Variants in SLC2A3 observed in about 807,000 individuals in gnomAD.
The protein encoded by SLC2A3 is solute carrier family 2, facilitated glucose transporter member 3.
SLC2A3 carries 21 observed loss-of-function variants against 46.4 expected under a neutral mutation model. The ratio of observed to expected loss-of-function variants is 0.45; its 90% confidence interval spans 0.32 to 0.65. SLC2A3 has a LOEUF of 0.65. SLC2A3 is among the 30% of genes least tolerant of loss of function. The pLI, the probability that SLC2A3 is intolerant of heterozygous loss-of-function variation, is 0.04. For missense variants in SLC2A3, 499 were observed against 623.3 expected (o/e 0.80, Z 2.12); for synonymous variants, 213 against 239.4 (o/e 0.89, Z 1.02).
chr12:7,919,722 C>A lies in SLC2A3; in HGVS notation c.*1691G>T. ...CACCGCATCCGGCCTCAGCTACGTGCATTTTTATTCAAAGGCTCCAGGAGC... is the reference window on the plus strand; with the variant it reads ...CACCGCATCCGGCCTCAGCTACGTGAATTTTTATTCAAAGGCTCCAGGAGC... On this transcript the variant is annotated 3_prime_UTR_variant, in exon 10 of 10. Transcript: ENST00000075120. The A allele has an allele frequency of 6.6e-6, 1 of 152,318 alleles. No individual in the cohort carries two copies. Among genetic ancestry groups the A allele is most frequent in the Non-Finnish European group, 1.5e-5 (1 of 68,102 alleles). The allele number at this position is 152,318 out of a possible 1,614,324, so 9.4% of individuals were successfully genotyped here.
Position 7,936,043 on chromosome 12 carries a change from T to C in SLC2A3, c.-9A>G. 3 of 1,606,688 alleles carry C rather than the reference T, an allele frequency of 1.9e-6. No individual in the cohort carries two copies. The highest frequency in any genetic ancestry group is 2.6e-6 in the Non-Finnish European group (3 of 1,173,268). On this transcript the variant is annotated 5_prime_UTR_variant, in exon 1 of 10. Transcript: ENST00000075120. ...ACCTTCTGTGTCCCCATCGCTGTAA[T>C]CTAATTCAAGTCTTCAAGAAAGATC...
Position 7,921,485 on chromosome 12 carries a change from A to G in SLC2A3, c.1419T>C (p.Asp473=). Residue 473 remains aspartate (D), a synonymous_variant, in exon 10 of 10, where the codon GAT becomes GAC. Transcript: ENST00000075120. The part of the protein sequence containing the change: ...RAFEGQAHGA[D]RSGKDGVMEM... ...CCATGACGCCGTCCTTTCCAGATCT[A>G]TCTGCACCGTGTGCCTGCCCTTCAA... 1 of 1,613,908 alleles carries G rather than the reference A, an allele frequency of 6.2e-7. No individual in the cohort carries two copies. Among genetic ancestry groups the G allele is most frequent in the Non-Finnish European group, 8.5e-7 (1 of 1,179,858 alleles).
At chr12:7,926,151 G>A (rs1463139509) in intron 6 of SLC2A3, among the ~76,000 whole-genome samples, 2 of 152,092 alleles carry the variant, frequency 1.3e-5, no homozygotes, top group Non-Finnish European at 2.9e-5. Flanking sequence ...GAGTGCAGTG[G>A]CACAATCTCA....
chr12:7,928,529 G>A (rs1946118412), intron 6 of SLC2A3, among the ~76,000 whole-genome samples: 1 of 152,096 alleles, frequency 6.6e-6, no homozygotes, highest in Non-Finnish European at 1.5e-5. Flanking sequence ...GGACTGTGGT[G>A]AGGCAGCTAG....
intron 4 of SLC2A3, 85 bp from the exon 5 acceptor site, chr12:7,930,727 T>C: frequency 1.5e-6 from 2 of 1,338,520 alleles, no homozygotes; most frequent in Non-Finnish European, 2.0e-6. Flanking sequence ...CAGAAAATCA[T>C]ACATTCTTTT....
At chr12:7,930,392 AGT>A (rs1476401868) in intron 5 of SLC2A3, 86 bp downstream of exon 5, 2 of 1,301,316 alleles carry the variant, frequency 1.5e-6, no homozygotes, top group Non-Finnish European at 1.1e-6. Flanking sequence ...GCAGGGAAAG[AGT>A]GTAACAGAAA....
chr12:7,926,234 G>A (rs1946093744), intron 6 of SLC2A3, among the ~76,000 whole-genome samples: 1 of 151,996 alleles, frequency 6.6e-6, no homozygotes, highest in East Asian at 1.9e-4. Flanking sequence ...TGGACTACAG[G>A]TGCCTGCAAC....
Position 7,928,174 on chromosome 12 carries a change from C to T in SLC2A3, c.861+1510G>A, listed in dbSNP as rs1235379669. Among the ~76,000 whole-genome samples the T allele has an allele frequency of 2.6e-5, 4 of 151,652 alleles. No homozygotes were observed. In the South Asian group the frequency reaches 6.2e-4, roughly 24 times the overall value. ...CAGCATTTAGGAAGGCCGTGGCAGGCGGATCATGAGGTCAAGAGATCGAGA... is the reference window on the plus strand; with the variant it reads ...CAGCATTTAGGAAGGCCGTGGCAGGTGGATCATGAGGTCAAGAGATCGAGA... On this transcript the variant is annotated intron_variant, in intron 6 of 9. Transcript: ENST00000075120.
At chr12:7,930,071 C>T (rs757812500) in intron 5 of SLC2A3, 200 bp from the exon 6 acceptor site, 11 of 1,151,652 alleles carry the variant, frequency 9.6e-6, no homozygotes, top group East Asian at 2.7e-5. Flanking sequence ...CTGCAACCTC[C>T]ACTTCCCGGG....
intron 7 of SLC2A3, chr12:7,925,642 C>T (rs978010374): frequency 1.1e-5 from 6 of 546,640 alleles, no homozygotes; most frequent in Non-Finnish European, 2.0e-5. Context: ...ATAGTCCCTT[C>T]TATACTCCCT....
In SLC2A3 at chr12:7,936,131, G is replaced by A; in HGVS notation, c.-97C>T. The A allele has an allele frequency of 9.7e-7, 1 of 1,028,406 alleles. No individual in the cohort carries two copies. Among genetic ancestry groups the A allele is most frequent in the East Asian group, 2.4e-5 (1 of 42,284 alleles). 63.7% of individuals were successfully genotyped at this position (1,028,406 alleles called of 1,614,324 possible). ...AACCTTCAAAATGTCCTTCTCAGCA[G>A]CAAGTTTTCTCCACGTCCTCAGGAA... On this transcript the variant is annotated 5_prime_UTR_variant, in exon 1 of 10. Transcript: ENST00000075120.
chr12:7,933,510 T>C (rs1653066619), intron 2 of SLC2A3: 1 of 464,964 alleles, frequency 2.2e-6, no homozygotes, highest in Admixed American at 3.7e-5. Context: ...GCTTTGTGCT[T>C]CGATTAGATG....
chr12:7,935,112 A>AC (rs3831762), intron 1 of SLC2A3, among the ~76,000 whole-genome samples: 1 of 152,038 alleles, frequency 6.6e-6, no homozygotes, highest in Non-Finnish European at 1.5e-5. Flanking sequence ...TATAGGTGTG[A>AC]CCCACCACAC....
chr12:7,927,736 C>T (rs949950592), intron 6 of SLC2A3, among the ~76,000 whole-genome samples: 8 of 152,092 alleles, frequency 5.3e-5, no homozygotes, highest in African/African-American at 7.2e-5. Flanking sequence ...TTATACCTAG[C>T]GCAAAATCTA....
At chr12:7,930,228 C>A in intron 5 of SLC2A3, 1 of 501,918 alleles carries the variant, frequency 2.0e-6, no homozygotes, top group Non-Finnish European at 3.4e-6. Flanking sequence ...TCAGGTGACC[C>A]GCCTCGGCCT....
chr12:7,925,674 T>C, intron 7 of SLC2A3, 170 bp downstream of exon 7: 1 of 589,970 alleles, frequency 1.7e-6, no homozygotes. Context: ...CATCCCATAT[T>C]TGCTTGAAGA....
chr12:7,932,947 C>A, intron 3 of SLC2A3, 40 bp downstream of exon 3: 1 of 1,610,398 alleles, frequency 6.2e-7, no homozygotes, highest in Non-Finnish European at 8.5e-7. Context: ...CTCAATGTGG[C>A]TGGTAGAGCC....
intron 7 of SLC2A3, among the ~76,000 whole-genome samples, chr12:7,925,087 A>G (rs559304867): frequency 2.6e-5 from 4 of 152,276 alleles, no homozygotes; most frequent in Non-Finnish European, 5.9e-5. Flanking sequence ...CAACTCATCT[A>G]TGTGCTAGGA....
intron 9 of SLC2A3, 67 bp downstream of exon 9, chr12:7,922,754 T>G (rs1380493439): frequency 7.5e-6 from 12 of 1,597,044 alleles, no homozygotes; most frequent in Non-Finnish European, 1.0e-5. Context: ...CAGACTACTG[T>G]ATTATTAAGG....
Sources: allele counts gnomAD v4.1 joint callset (sites outside exome capture counted in the v4.1 genomes callset), GRCh38; gene constraint gnomAD v4.1.1; transcripts MANE v1.5; gene names NCBI Gene and HGNC (gene_info 2026-07-23, HGNC 2026-07-21).